The following LRBA variants were observed in gnomAD, a reference collection of about 807,000 sequenced individuals.
LRBA encodes LPS responsive beige-like anchor protein, also known as lipopolysaccharide-responsive and beige-like anchor protein.
A neutral mutation model predicts 330.0 loss-of-function variants in LRBA; 176 were observed. The observed-to-expected ratio is 0.53, with a 90% CI of 0.47 to 0.60. The LOEUF (loss-of-function observed/expected upper bound fraction) is 0.60, where lower values mean the gene tolerates loss of function less well. LRBA is among the 20% of genes least tolerant of loss of function. LRBA has a pLI of 0.00. For missense variants in LRBA, 3,259 were observed against 3,444.8 expected (o/e 0.95, Z 1.35); for synonymous variants, 1,230 against 1,193.0 (o/e 1.03, Z -0.64).
intron 44 of LRBA, among the ~76,000 whole-genome samples, chr4:150,453,710 G>A (rs1318376404): frequency 6.6e-6 from 1 of 151,990 alleles, no homozygotes; most frequent in African/African-American, 2.4e-5. Flanking sequence ...TCTATTCACA[G>A]ATCTCTTGCA....
chr4:150,988,398 A>G (rs542995405), intron 2 of LRBA, among the ~76,000 whole-genome samples: 9 of 152,316 alleles, frequency 5.9e-5, no homozygotes, highest in Admixed American at 5.9e-4. Flanking sequence ...AAAGTATAAT[A>G]ATTCCAAGAA....
intron 38 of LRBA, among the ~76,000 whole-genome samples, chr4:150,595,592 A>C (rs1581772374): frequency 6.6e-6 from 1 of 152,000 alleles, no homozygotes; most frequent in East Asian, 1.9e-4. Context: ...CTGAATTAAA[A>C]CCAATCTTTC....
At chr4:150,740,552 ACT>A (rs1344409561) in intron 35 of LRBA, among the ~76,000 whole-genome samples, 2 of 151,920 alleles carry the variant, frequency 1.3e-5, no homozygotes, top group African/African-American at 4.8e-5. Context: ...GTTTTTAAAT[ACT>A]ATTTTGAAAA....
chr4:150,714,293 T>G (rs1786525074), intron 36 of LRBA, among the ~76,000 whole-genome samples: 1 of 152,188 alleles, frequency 6.6e-6, no homozygotes, highest in Non-Finnish European at 1.5e-5. Flanking sequence ...TATATAACAT[T>G]TTTACAATTA....
intron 9 of LRBA, among the ~76,000 whole-genome samples, chr4:150,911,186 G>T (rs1731948506): frequency 6.6e-6 from 1 of 151,960 alleles, no homozygotes; most frequent in Non-Finnish European, 1.5e-5. Flanking sequence ...TCTTTTTCTT[G>T]CCAAATTGCT....
chr4:150,642,672 T>C (rs947301831), intron 37 of LRBA, among the ~76,000 whole-genome samples: 11 of 151,890 alleles, frequency 7.2e-5, no homozygotes, highest in Non-Finnish European at 1.5e-4. Flanking sequence ...TATAATATAT[T>C]GAAAAATATT....
chr4:150,893,254 A>T, intron 16 of LRBA, 105 bp from the exon 17 acceptor site: 1 of 638,600 alleles, frequency 1.6e-6, no homozygotes, highest in South Asian at 2.1e-5. Context: ...ATATAAGTAG[A>T]CATATGTGTG....
chr4:150,529,671 G>A (rs995000220), intron 40 of LRBA, among the ~76,000 whole-genome samples: 4 of 150,636 alleles, frequency 2.7e-5, no homozygotes, highest in East Asian at 3.9e-4. Flanking sequence ...GCAGTGAGCC[G>A]AGATCATGCC....
intron 40 of LRBA, among the ~76,000 whole-genome samples, chr4:150,531,915 C>T (rs1440356302): frequency 1.3e-5 from 2 of 152,196 alleles, no homozygotes; most frequent in Admixed American, 6.5e-5. Flanking sequence ...TAGACCTCTA[C>T]CATGCGTATC....
Position 150,435,577 on chromosome 4 carries a change from A to C in LRBA, c.7041+12T>G. On this transcript the variant is annotated intron_variant, in intron 46 of 56. Transcript: ENST00000651943. ...CTGGCAATAACAACTATAAAACAAAACATTTCTGTACCTTAATATCAGAGG... is the reference window on the plus strand; with the variant it reads ...CTGGCAATAACAACTATAAAACAAACCATTTCTGTACCTTAATATCAGAGG... The C allele has an allele frequency of 6.3e-7, 1 of 1,594,584 alleles. No homozygotes were observed. Among genetic ancestry groups the C allele is most frequent in the African/African-American group, 1.4e-5 (1 of 73,688 alleles).
At chr4:150,438,101 C>G (rs1432545763) in intron 44 of LRBA, among the ~76,000 whole-genome samples, 1 of 152,208 alleles carries the variant, frequency 6.6e-6, no homozygotes, top group Non-Finnish European at 1.5e-5. Flanking sequence ...AAAAAACATT[C>G]TGATCTCTAG....
chr4:150,316,210 G>A (rs906000004), intron 50 of LRBA, among the ~76,000 whole-genome samples: 12 of 151,978 alleles, frequency 7.9e-5, no homozygotes, highest in Admixed American at 7.9e-4. Context: ...TTGGATTGAG[G>A]GTTTAAAAAG....
intron 34 of LRBA, among the ~76,000 whole-genome samples, chr4:150,787,219 C>CAAA (rs1303754787): frequency 8.7e-6 from 1 of 115,408 alleles, no homozygotes. Flanking sequence ...GACTCCATCT[C>CAAA]AAAAAAAAAA....
rs150144210 is a variant in LRBA, at chr4:150,828,395, C to T, written c.4956G>A (p.Pro1652=). 51 of 1,613,910 alleles carry T rather than the reference C, an allele frequency of 3.2e-5. No homozygotes were observed. The highest frequency in any genetic ancestry group is 2.9e-4 in the African/African-American group (22 of 74,868). ...STLSLEVNKS[P]ETKNDRGNDL... is the part of the protein sequence containing the mutation. ...CATTTCCTCTATCATTTTTGGTTTC[C>T]GGAGACTTATTGACTTCTAAAGAAA... The change falls in exon 30 of 57, where the codon CCG becomes CCA. Residue 1652 remains proline (P), a synonymous_variant. Transcript: ENST00000651943.
In LRBA at chr4:150,870,616, TA is replaced by T. The variant is rs763305183; in HGVS notation, c.2368-11del. On this transcript the variant is annotated splice_polypyrimidine_tract_variant and intron_variant, in intron 19 of 56. Coordinates refer to ENST00000651943, the MANE Select transcript of LRBA (RefSeq NM_001364905.1). ...TCTGTTCTATAAGAATCTACAGAAG[TA>T]AAACAATGGATTACATTAGCAAATC... 5 of 1,305,358 alleles carry T rather than the reference TA, an allele frequency of 3.8e-6. No homozygotes were observed. The African/African-American group carries it at 7.3e-5, about 19-fold the overall frequency. The allele number at this position is 1,305,358 out of a possible 1,614,324, so 80.9% of individuals were successfully genotyped here. A position where few individuals can be genotyped will look rare whatever the true frequency, so the allele number is the denominator to read the frequency against.
At chr4:150,786,665 A>G (rs1231052549) in intron 34 of LRBA, among the ~76,000 whole-genome samples, 4 of 152,152 alleles carry the variant, frequency 2.6e-5, no homozygotes, top group African/African-American at 7.2e-5. Flanking sequence ...CCACCATCCA[A>G]TGATTTTATC....
intron 36 of LRBA, among the ~76,000 whole-genome samples, chr4:150,688,592 TTAAAC>T (rs1783831397): frequency 6.6e-6 from 1 of 152,172 alleles, no homozygotes; most frequent in East Asian, 1.9e-4. Context: ...TACAAGGAAC[TTAAAC>T]TAATTTACAA....
At chr4:150,946,589 A>AAT (rs78536083) in intron 2 of LRBA, among the ~76,000 whole-genome samples, 9,535 of 152,118 alleles carry the variant, frequency 0.063, 509 homozygotes, top group South Asian at 0.26. Context: ...ATAAAAATAT[A>AAT]ATATATCAAA....
At chr4:150,384,551 TC>T (rs1419715509) in intron 47 of LRBA, among the ~76,000 whole-genome samples, 3 of 152,148 alleles carry the variant, frequency 2.0e-5, no homozygotes, top group African/African-American at 7.2e-5. Flanking sequence ...GGCTAATGCT[TC>T]CTTTAAACTT....
Sources: gnomAD v4.1 joint callset for allele counts (sites outside exome capture counted in the v4.1 genomes callset) on GRCh38, gnomAD v4.1.1 for gene constraint, MANE v1.5 for transcripts, NCBI Gene and HGNC (gene_info 2026-07-23, HGNC 2026-07-21) for gene names.